PCSK6: variants seen among roughly 807,000 people sequenced by gnomAD.
PCSK6 encodes paired basic amino acid cleaving enzyme 4.
PCSK6 carries 85 observed loss-of-function variants against 123.3 expected under a neutral mutation model. The observed-to-expected ratio is 0.69, with a 90% CI of 0.58 to 0.83. PCSK6 has a LOEUF of 0.83. PCSK6 is among the 40% of genes least tolerant of loss of function. The pLI is 0.00. For missense variants in PCSK6, 1,191 were observed against 1,282.3 expected, an observed-to-expected ratio of 0.93 and a Z score of 1.09; for synonymous variants, 508 against 516.0, an observed-to-expected ratio of 0.98 and a Z score of 0.21.
chr15:101,474,429 G>A (rs1314243087), intron 1 of PCSK6, among the ~76,000 whole-genome samples: 1 of 152,194 alleles, frequency 6.6e-6, no homozygotes, highest in Non-Finnish European at 1.5e-5. Flanking sequence ...GATCACTGGG[G>A]TGCGCAGCCT....
chr15:101,402,989 C>T (rs2042639665), intron 6 of PCSK6, among the ~76,000 whole-genome samples: 1 of 152,050 alleles, frequency 6.6e-6, no homozygotes, highest in South Asian at 2.1e-4. Flanking sequence ...TATTGTGGCA[C>T]TATTCACAAT....
At chr15:101,473,328 G>C (rs1203819797) in intron 1 of PCSK6, among the ~76,000 whole-genome samples, 2 of 152,124 alleles carry the variant, frequency 1.3e-5, no homozygotes, top group Non-Finnish European at 2.9e-5. Context: ...CTACAGCCTC[G>C]AACTTCTGGG....
chr15:101,470,854 G>A (rs562347101), intron 1 of PCSK6, among the ~76,000 whole-genome samples: 216 of 152,288 alleles, frequency 1.4e-3, no homozygotes, highest in African/African-American at 4.9e-3. Context: ...GAATGGCTGT[G>A]GTGCTGCCCT....
chr15:101,322,645 G>T, intron 17 of PCSK6, 38 bp from the exon 18 acceptor site: 1 of 1,292,152 alleles, frequency 7.7e-7, no homozygotes, highest in Non-Finnish European at 1.1e-6. Flanking sequence ...GAGAAGGGAC[G>T]ACACTGACAG....
chr15:101,391,113 C>T (rs1236918274), intron 8 of PCSK6, among the ~76,000 whole-genome samples: 7 of 152,182 alleles, frequency 4.6e-5, no homozygotes, highest in Admixed American at 1.3e-4. Flanking sequence ...AGACCAGTTT[C>T]CTCCTTGTTC....
chr15:101,388,783 A>C (rs560470402), intron 9 of PCSK6, among the ~76,000 whole-genome samples: 1 of 152,344 alleles, frequency 6.6e-6, no homozygotes. Flanking sequence ...TGTGAAGTGA[A>C]ATAAGCCAGG....
At chr15:101,387,394 G>A (rs2042096104) in intron 9 of PCSK6, among the ~76,000 whole-genome samples, 1 of 152,230 alleles carries the variant, frequency 6.6e-6, no homozygotes, top group African/African-American at 2.4e-5. Flanking sequence ...GACGGCTACA[G>A]CCAGTCCTCC....
At chr15:101,360,190 A>T (rs570255600) in intron 13 of PCSK6, among the ~76,000 whole-genome samples, 2 of 152,058 alleles carry the variant, frequency 1.3e-5, no homozygotes, top group East Asian at 3.9e-4. Flanking sequence ...AGTCACCTTC[A>T]CCTGATATTG....
intron 13 of PCSK6, among the ~76,000 whole-genome samples, chr15:101,362,085 T>C (rs2041242982): frequency 6.7e-6 from 1 of 150,072 alleles, no homozygotes; most frequent in Non-Finnish European, 1.5e-5. Flanking sequence ...GCCTCCCAAG[T>C]AGCTGGGACT....
At chr15:101,412,826 G>C (rs184458170) in intron 6 of PCSK6, among the ~76,000 whole-genome samples, 2 of 151,718 alleles carry the variant, frequency 1.3e-5, no homozygotes, top group African/African-American at 4.8e-5. Flanking sequence ...GAGTGGACAG[G>C]AGGAGAGGAA....
chr15:101,385,206 C>T lies in PCSK6; in HGVS notation c.1311-781G>A, dbSNP rs190406497. 1.6e-4 allele frequency among the ~76,000 whole-genome samples: 24 copies of T among 152,194 alleles called. No individual in the cohort carries two copies. In the East Asian group the frequency reaches 2.9e-3, roughly 18 times the overall value. On this transcript the variant is annotated intron_variant, in intron 9 of 21. Transcript: ENST00000611716. ...TAATTTTTTACATTTTTTGTAGAGA[C>T]GAGGTCTTGCTATATTGCCCAGGCT...
chr15:101,325,872 C>T (rs2040240875), intron 16 of PCSK6, among the ~76,000 whole-genome samples: 1 of 152,218 alleles, frequency 6.6e-6, no homozygotes, highest in African/African-American at 2.4e-5. Context: ...TGATATCCTC[C>T]CTTGGGGTAA....
intron 1 of PCSK6, among the ~76,000 whole-genome samples, chr15:101,459,318 T>C (rs2057274073): frequency 6.6e-6 from 1 of 152,038 alleles, no homozygotes; most frequent in Non-Finnish European, 1.5e-5. Context: ...GGCTCTCCCT[T>C]TTACTTCCTA....
At position 101,398,221 on chromosome 15, in the gene PCSK6, G is replaced by A. The variant is rs1313321510; in HGVS notation, c.996+183C>T. Among the ~76,000 whole-genome samples the A allele has an allele frequency of 3.3e-5, 5 of 152,290 alleles. No homozygotes were observed. Among genetic ancestry groups the A allele is most frequent in the East Asian group, 1.9e-4 (1 of 5,180 alleles). On this transcript the variant is annotated intron_variant, in intron 7 of 21. Coordinates refer to ENST00000611716, the MANE Select transcript of PCSK6 (RefSeq NM_002570.5). This position sits in a 1 kb window ranked among gnomAD's most constrained non-coding sequence, Gnocchi z 4.6. ...ACGAGGCAAAAACACTTCTGCTCTC[G>A]CCGGTCAAGAGCCACTTCTCAGACT... is the stretch of plus-strand genomic sequence containing the variant.
rs56844456 is a variant in PCSK6 at position 101,352,137 on chromosome 15, ATTTTTT to A, written c.1858+14053_1858+14058del. On this transcript the variant is annotated intron_variant, in intron 13 of 21. Coordinates refer to ENST00000611716, the MANE Select transcript of PCSK6 (RefSeq NM_002570.5). ...AAAATATTTTATAAATATTTTTCTA[ATTTTTT>A]TTTTTTTTTTTTTTTTTTTTTACAG... is the stretch of plus-strand genomic sequence containing the variant. 6.6e-4 allele frequency among the ~76,000 whole-genome samples: 64 copies of A among 97,018 alleles called. 2 individuals are homozygous for A. In the South Asian group the frequency reaches 0.017, roughly 26 times the overall value. The allele number at this position is 97,018 out of a possible 152,430, so 63.6% of individuals were successfully genotyped here.
At chr15:101,435,253 G>A (rs1241268987) in intron 2 of PCSK6, among the ~76,000 whole-genome samples, 1 of 151,998 alleles carries the variant, frequency 6.6e-6, no homozygotes, top group African/African-American at 2.4e-5. Context: ...ACAGGTTGCA[G>A]TGAGCAGAGA....
intron 7 of PCSK6, among the ~76,000 whole-genome samples, chr15:101,395,364 G>A (rs1200572523): frequency 6.6e-6 from 1 of 152,370 alleles, no homozygotes; most frequent in South Asian, 2.1e-4. Flanking sequence ...GGGGACGCCA[G>A]TGCTGCTGGC....
intron 2 of PCSK6, among the ~76,000 whole-genome samples, chr15:101,436,567 C>A (rs2141133617): frequency 6.6e-6 from 1 of 152,322 alleles, no homozygotes; most frequent in Non-Finnish European, 1.5e-5. Context: ...GAGGCCATAC[C>A]TCGGCACCCA....
At chr15:101,423,330 G>A (rs1335787924) in intron 6 of PCSK6, among the ~76,000 whole-genome samples, 1 of 150,408 alleles carries the variant, frequency 6.6e-6, no homozygotes, top group East Asian at 2.0e-4. Flanking sequence ...TATGATCTCA[G>A]CTCACTGCAA....
Sources: allele counts gnomAD v4.1 joint callset (sites outside exome capture counted in the v4.1 genomes callset), GRCh38; gene constraint gnomAD v4.1.1; non-coding constraint Gnocchi (gnomAD v3.1); transcripts MANE v1.5; gene names NCBI Gene and HGNC (gene_info 2026-07-23, HGNC 2026-07-21).